SPACDR: variants seen among roughly 807,000 people sequenced by gnomAD.
SPACDR encodes the protein sperm acrosome developmental regulator, also known as uncharacterized protein C7orf61.
At chr7:100,458,317 G>A in the SPACDR span, among the ~76,000 whole-genome samples, 1 of 151,008 alleles carries the variant, frequency 6.6e-6, no homozygotes, top group African/African-American at 2.4e-5. Flanking sequence ...CATTTCCATC[G>A]GGCAGGAGAA....
the SPACDR span, among the ~76,000 whole-genome samples, chr7:100,458,479 C>T: frequency 2.0e-5 from 3 of 152,272 alleles, no homozygotes; most frequent in South Asian, 2.1e-4. Context: ...TTAATAACTA[C>T]ACTCTTCTCC....
At chr7:100,459,893 ATT>A in the SPACDR span, among the ~76,000 whole-genome samples, 8 of 141,376 alleles carry the variant, frequency 5.7e-5, no homozygotes, top group East Asian at 2.1e-4. Flanking sequence ...CCACATTTAG[ATT>A]TTTTTTTTTT....
chr7:100,463,662 T>C, the SPACDR span: 4 of 1,613,738 alleles, frequency 2.5e-6, no homozygotes, highest in Non-Finnish European at 3.4e-6. Flanking sequence ...ATGGTTGGTT[T>C]AATTTTTTGC....
chr7:100,463,672 C>G, the SPACDR span: 3 of 1,613,586 alleles, frequency 1.9e-6, no homozygotes, highest in Non-Finnish European at 2.5e-6. Flanking sequence ...TAATTTTTTG[C>G]CTCCAGAAGA....
the SPACDR span, among the ~76,000 whole-genome samples, chr7:100,458,864 T>C: frequency 1.3e-5 from 2 of 151,086 alleles, no homozygotes; most frequent in East Asian, 4.0e-4. Context: ...GAGGCGGAGG[T>C]TGCAGTGAGC....
chr7:100,463,886 C>A, the SPACDR span: 1 of 1,496,518 alleles, frequency 6.7e-7, no homozygotes, highest in East Asian at 2.4e-5. Context: ...GGGAGGGAAC[C>A]CACGCAGTAA....
At chr7:100,456,717 T>G in the SPACDR span, 3 of 1,404,504 alleles carry the variant, frequency 2.1e-6, no homozygotes, top group Non-Finnish European at 2.9e-6. Context: ...CAGGTAAGAG[T>G]GAGGTCAGGA....
chr7:100,457,010 A>G, the SPACDR span: 1 of 1,562,118 alleles, frequency 6.4e-7, no homozygotes, highest in East Asian at 2.3e-5. Context: ...GAAGATGTGC[A>G]TGCGTAAATA....
the SPACDR span, among the ~76,000 whole-genome samples, chr7:100,460,089 C>T: frequency 6.6e-6 from 1 of 151,746 alleles, no homozygotes; most frequent in Non-Finnish European, 1.5e-5. Context: ...CGGGGTTTCA[C>T]TGTGTTAGCC....
chr7:100,463,266 A>G, the SPACDR span: 1 of 1,044,390 alleles, frequency 9.6e-7, no homozygotes, highest in East Asian at 2.4e-5. Flanking sequence ...GAGTCACTGC[A>G]CCAGGCCAGG....
chr7:100,463,939 G>A, the SPACDR span: 1 of 1,601,092 alleles, frequency 6.2e-7, no homozygotes. Context: ...GCATCATGAG[G>A]ACAGAGTGGT....
chr7:100,456,671 T>G, the SPACDR span: 1 of 867,868 alleles, frequency 1.2e-6, no homozygotes, highest in Non-Finnish European at 1.8e-6. Flanking sequence ...GTTTTACAAC[T>G]GGAATACATG....
the SPACDR span, among the ~76,000 whole-genome samples, chr7:100,459,626 T>A: frequency 6.6e-6 from 1 of 151,836 alleles, no homozygotes; most frequent in African/African-American, 2.4e-5. Context: ...TATTTATTTG[T>A]GTGTTTGTTT....
At chr7:100,456,692 G>T in the SPACDR span, 8 of 1,058,638 alleles carry the variant, frequency 7.6e-6, no homozygotes, top group African/African-American at 8.0e-5. Context: ...GAATGAAGGG[G>T]CTGATATGGG....
the SPACDR span, chr7:100,456,945 G>T: frequency 6.2e-7 from 1 of 1,613,386 alleles, no homozygotes. Context: ...AGGTGACTGC[G>T]TCCTCACTTG....
the SPACDR span, among the ~76,000 whole-genome samples, chr7:100,462,025 G>A: frequency 6.7e-6 from 1 of 149,832 alleles, no homozygotes; most frequent in Non-Finnish European, 1.5e-5. Flanking sequence ...TGACTCCTTA[G>A]GTTTGGATAA....
chr7:100,457,801 A>G, the SPACDR span, among the ~76,000 whole-genome samples: 16,369 of 73,578 alleles, frequency 0.22, 1,531 homozygotes, highest in Non-Finnish European at 0.25. Flanking sequence ...TTATATATAT[A>G]TATGTGTGTG....
At chr7:100,463,813 A>T in the SPACDR span, 5 of 1,244,418 alleles carry the variant, frequency 4.0e-6, 1 homozygote, top group South Asian at 6.2e-5. Flanking sequence ...CTTCTCCTCC[A>T]GCCCCTCCCC....
chr7:100,456,745 G>A, the SPACDR span: 5 of 1,585,242 alleles, frequency 3.2e-6, no homozygotes, highest in South Asian at 4.6e-5. Context: ...AGGGTCTGGG[G>A]TTCCCCCTAG....
Sources: gnomAD v4.1 joint callset for allele counts (sites outside exome capture counted in the v4.1 genomes callset) on GRCh38, gnomAD v4.1.1 for gene constraint, MANE v1.5 for transcripts, NCBI Gene and HGNC (gene_info 2026-07-23, HGNC 2026-07-21) for gene names.